SLC9C2: variants seen among roughly 807,000 people sequenced by gnomAD.
SLC9C2 encodes the protein sodium/hydrogen exchanger 11.
In SLC9C2, 75 loss-of-function variants were observed where a neutral mutation model predicts 140.2. The observed-to-expected ratio is 0.53, with a 90% CI of 0.44 to 0.65. The LOEUF is 0.65. Ranked by LOEUF, SLC9C2 falls within the 30% of genes least tolerant of loss-of-function variation. SLC9C2 has a pLI of 0.00. For missense variants in SLC9C2, 1,074 were observed against 1,331.8 expected (o/e 0.81, Z 3.01); for synonymous variants, 375 against 420.9 (o/e 0.89, Z 1.34).
At chr1:173,588,403 G>GA (rs1665979102) in intron 4 of SLC9C2, among the ~76,000 whole-genome samples, 1 of 151,626 alleles carries the variant, frequency 6.6e-6, no homozygotes, top group Non-Finnish European at 1.5e-5. Flanking sequence ...TCATCCTCAG[G>GA]AAAAAAAATA....
At chr1:173,586,639 T>C (rs1665863912) in intron 5 of SLC9C2, among the ~76,000 whole-genome samples, 1 of 152,092 alleles carries the variant, frequency 6.6e-6, no homozygotes, top group Admixed American at 6.5e-5. Context: ...CAAATGCCCA[T>C]CCATGATAGA....
chr1:173,567,721 G>A (rs544473723), intron 9 of SLC9C2, among the ~76,000 whole-genome samples: 152 of 152,086 alleles, frequency 1.0e-3, no homozygotes, highest in African/African-American at 3.4e-3. Flanking sequence ...TGGTTGTTTT[G>A]TGGTCTTCTC....
rs1661026174 is a variant in SLC9C2, at chr1:173,524,112, A to T, written c.2515-18T>A. 1 of 1,594,972 alleles carries T rather than the reference A, an allele frequency of 6.3e-7. No homozygotes were observed. Among genetic ancestry groups the T allele is most frequent in the East Asian group, 2.2e-5 (1 of 44,700 alleles). ...AGAAGTACCTAAAAACAAATAATCA[A>T]AATAATGGGGATCAGATCCTGTAAC... On this transcript the variant is annotated intron_variant, in intron 20 of 27. Coordinates refer to ENST00000367714, the MANE Select transcript of SLC9C2 (RefSeq NM_178527.4).
intron 9 of SLC9C2, among the ~76,000 whole-genome samples, chr1:173,558,987 G>C (rs1558065796): frequency 6.6e-6 from 1 of 152,170 alleles, no homozygotes; most frequent in Admixed American, 6.5e-5. Context: ...GAAAATAACA[G>C]AGATAAATAA....
chr1:173,542,034 G>A (rs1048673554), intron 13 of SLC9C2, among the ~76,000 whole-genome samples: 7 of 151,616 alleles, frequency 4.6e-5, no homozygotes, highest in Non-Finnish European at 1.0e-4. Context: ...GGAAATAGAG[G>A]CATAAAAAAC....
At chr1:173,591,528 G>A (rs1362748942) in intron 4 of SLC9C2, among the ~76,000 whole-genome samples, 1 of 151,634 alleles carries the variant, frequency 6.6e-6, no homozygotes, top group Non-Finnish European at 1.5e-5. Context: ...CTGGAACCTC[G>A]ACAGTATCTA....
chr1:173,510,934 TA>T (rs1440869256), intron 23 of SLC9C2, among the ~76,000 whole-genome samples: 1 of 152,196 alleles, frequency 6.6e-6, no homozygotes, highest in Non-Finnish European at 1.5e-5. Context: ...ATGGTTGAAC[TA>T]ATTTACATTC....
chr1:173,564,968 C>CTTTTTTTTTTTTTTTT (rs564120430), intron 9 of SLC9C2, among the ~76,000 whole-genome samples: 1 of 113,618 alleles, frequency 8.8e-6, no homozygotes, highest in Non-Finnish European at 1.8e-5. Flanking sequence ...TTTTCTTTTT[C>CTTTTTTTTTTTTTTTT]TTTTTTTTTT....
intron 25 of SLC9C2, among the ~76,000 whole-genome samples, chr1:173,505,805 C>T (rs1466558565): frequency 1.3e-5 from 2 of 152,148 alleles, no homozygotes; most frequent in South Asian, 4.1e-4. Context: ...ATTTAATCCT[C>T]CCAATAACCC....
At chr1:173,531,749 G>A (rs766397248) in intron 17 of SLC9C2, among the ~76,000 whole-genome samples, 26 of 152,192 alleles carry the variant, frequency 1.7e-4, no homozygotes, top group Admixed American at 4.6e-4. Context: ...GTCACTCCCC[G>A]TGACAGTTTC....
intron 9 of SLC9C2, among the ~76,000 whole-genome samples, chr1:173,562,001 T>A (rs1664153007): frequency 6.6e-6 from 1 of 152,156 alleles, no homozygotes; most frequent in Non-Finnish European, 1.5e-5. Flanking sequence ...CACAGCTATG[T>A]AGTAAAGCCA....
chr1:173,587,917 G>A, intron 4 of SLC9C2, 87 bp from the exon 5 acceptor site: 1 of 1,027,610 alleles, frequency 9.7e-7, no homozygotes, highest in Non-Finnish European at 1.4e-6. Context: ...GTCAGATCTT[G>A]GTTGTAAATG....
intron 23 of SLC9C2, among the ~76,000 whole-genome samples, chr1:173,511,091 G>T (rs1347945138): frequency 7.8e-6 from 1 of 128,662 alleles, no homozygotes; most frequent in Non-Finnish European, 1.5e-5. Flanking sequence ...CTGGAGTGCA[G>T]TGGTGCATCT....
At chr1:173,589,707 T>C (rs149634125) in intron 4 of SLC9C2, among the ~76,000 whole-genome samples, 41 of 152,330 alleles carry the variant, frequency 2.7e-4, no homozygotes, top group African/African-American at 8.9e-4. Flanking sequence ...AGTAGAGGGA[T>C]GCAATCAAAG....
intron 21 of SLC9C2, among the ~76,000 whole-genome samples, chr1:173,521,965 G>A (rs1238556891): frequency 2.0e-5 from 3 of 151,528 alleles, no homozygotes; most frequent in Non-Finnish European, 4.4e-5. Context: ...TGGGGAGGCC[G>A]AGATGGGCGG....
intron 15 of SLC9C2, 21 bp from the exon 16 acceptor site, chr1:173,534,703 ATG>A: frequency 1.4e-6 from 2 of 1,409,542 alleles, no homozygotes; most frequent in Non-Finnish European, 1.9e-6. Flanking sequence ...ATCAAATAAA[ATG>A]TTAGATCACT....
intron 21 of SLC9C2, 126 bp downstream of exon 21, chr1:173,523,843 T>C: frequency 1.6e-6 from 2 of 1,281,766 alleles, no homozygotes; most frequent in Non-Finnish European, 1.1e-6. Context: ...TTCCTGGGCC[T>C]CCATTTTGGC....
intron 24 of SLC9C2, 97 bp downstream of exon 24, chr1:173,509,471 T>A: frequency 5.8e-6 from 7 of 1,210,362 alleles, no homozygotes; most frequent in Non-Finnish European, 7.8e-6. Context: ...AAACACAAAT[T>A]TCCTTTCTAT....
intron 19 of SLC9C2, among the ~76,000 whole-genome samples, chr1:173,525,732 C>A (rs1453124605): frequency 6.6e-6 from 1 of 152,216 alleles, no homozygotes; most frequent in African/African-American, 2.4e-5. Context: ...TGGAAACAAG[C>A]ACTGCCTTTT....
Sources: allele counts gnomAD v4.1 joint callset (sites outside exome capture counted in the v4.1 genomes callset), GRCh38; gene constraint gnomAD v4.1.1; transcripts MANE v1.5; gene names NCBI Gene and HGNC (gene_info 2026-07-23, HGNC 2026-07-21).